KLHL20: variants seen among roughly 807,000 people sequenced by gnomAD.
The protein encoded by KLHL20 is kelch like family member 20.
In KLHL20, 29 loss-of-function variants were observed where a neutral mutation model predicts 69.5. The observed-to-expected ratio is 0.42, with a 90% CI of 0.31 to 0.57. The LOEUF (loss-of-function observed/expected upper bound fraction) is 0.57, where lower values mean the gene tolerates loss of function less well. Ranked by LOEUF, KLHL20 falls within the 20% of genes least tolerant of loss-of-function variation. The pLI is 0.18. For synonymous variants in KLHL20, 253 were observed against 265.2 expected, an observed-to-expected ratio of 0.95 and a Z score of 0.45; for missense variants, 419 against 776.0, an observed-to-expected ratio of 0.54 and a Z score of 5.47.
Position 173,734,663 on chromosome 1 carries a change from G to A in KLHL20, c.597+377G>A, listed in dbSNP as rs1672442299. 3 of 203,074 alleles carry A rather than the reference G, an allele frequency of 1.5e-5. No homozygotes were observed. The Admixed American group carries it at 1.6e-4, about 11-fold the overall frequency. The allele number at this position is 203,074 out of a possible 1,614,324, so 12.6% of individuals were successfully genotyped here. A position where few individuals can be genotyped will look rare whatever the true frequency, so the allele number is the denominator to read the frequency against. On this transcript the variant is annotated intron_variant, in intron 3 of 11. Coordinates refer to ENST00000209884, the MANE Select transcript of KLHL20 (RefSeq NM_014458.4). ...TGTGGATTATTCAGAATAAATTATA[G>A]ATTATAGGTTGTTTGGTAAACTAAT...
At chr1:173,742,901 T>C (rs1672885467) in intron 3 of KLHL20, among the ~76,000 whole-genome samples, 1 of 151,778 alleles carries the variant, frequency 6.6e-6, no homozygotes, top group African/African-American at 2.4e-5. Context: ...CCAGACACCA[T>C]AAAAAGATTG....
chr1:173,727,539 A>C (rs1282421992), intron 2 of KLHL20, among the ~76,000 whole-genome samples: 1 of 152,234 alleles, frequency 6.6e-6, no homozygotes, highest in Non-Finnish European at 1.5e-5. Context: ...CCATCAGACT[A>C]ACAGCTGATC....
In KLHL20 at chr1:173,774,380, G is replaced by C; in HGVS notation, c.1371G>C (p.Val457=). ...STRRLGVAVA[V]LGGFLYAVGG... is the part of the protein sequence containing the mutation. ...GAAGACTAGGTGTGGCTGTGGCTGTGTTAGGAGGGTTCTTATATGCTGTAG... is the reference window on the plus strand; with the variant it reads ...GAAGACTAGGTGTGGCTGTGGCTGTCTTAGGAGGGTTCTTATATGCTGTAG... Residue 457 remains valine (V), a synonymous_variant, in exon 9 of 12, where the codon GTG becomes GTC. Coordinates refer to ENST00000209884, the MANE Select transcript of KLHL20 (RefSeq NM_014458.4). The C allele has an allele frequency of 1.2e-6, 2 of 1,614,156 alleles. No homozygotes were observed. Among genetic ancestry groups the C allele is most frequent in the Non-Finnish European group, 1.7e-6 (2 of 1,180,030 alleles).
chr1:173,719,742 C>T (rs953270009), intron 2 of KLHL20, among the ~76,000 whole-genome samples: 77 of 149,930 alleles, frequency 5.1e-4, no homozygotes, highest in African/African-American at 1.9e-3. Flanking sequence ...TCTTTACCAA[C>T]AATATGTTTG....
chr1:173,731,469 A>G (rs1033367667), intron 2 of KLHL20, among the ~76,000 whole-genome samples: 25 of 152,202 alleles, frequency 1.6e-4, no homozygotes, highest in African/African-American at 4.1e-4. Flanking sequence ...AACCAACCCA[A>G]ATGTCCAACA....
At chr1:173,750,513 C>G (rs1457350765) in intron 3 of KLHL20, among the ~76,000 whole-genome samples, 1 of 149,728 alleles carries the variant, frequency 6.7e-6, no homozygotes, top group Non-Finnish European at 1.5e-5. Context: ...TGAGATGGAG[C>G]CTCACTCTGT....
intron 7 of KLHL20, 113 bp downstream of exon 7, chr1:173,757,272 T>A: frequency 9.9e-7 from 1 of 1,011,930 alleles, no homozygotes; most frequent in Non-Finnish European, 1.4e-6. Context: ...TGGCACTAGT[T>A]GGCAACCTAA....
At position 173,775,907 on chromosome 1, in the gene KLHL20, T is replaced by C; in HGVS notation, c.1638+65T>C. 4 of 1,350,418 alleles carry C rather than the reference T, an allele frequency of 3.0e-6. No homozygotes were observed. In the South Asian group the frequency reaches 4.7e-5, roughly 16 times the overall value. 83.7% of individuals were successfully genotyped at this position (1,350,418 alleles called of 1,614,324 possible). On this transcript the variant is annotated intron_variant, in intron 10 of 11. Transcript: ENST00000209884. ...GCTATTAATAGTGCTGCAATAAACA[T>C]GGGAGTGCAGATATCTCTTCATTAT... is the stretch of plus-strand genomic sequence containing the variant.
Position 173,734,083 on chromosome 1 carries a change from A to T in KLHL20, c.394A>T (p.Thr132Ser), listed in dbSNP as rs767353201. The T allele has an allele frequency of 6.2e-7, 1 of 1,614,162 alleles. No individual in the cohort carries two copies. The highest frequency in any genetic ancestry group is 8.5e-7 in the Non-Finnish European group (1 of 1,180,022). The part of the protein sequence containing the change: ...LIDFAYTSQI[T>S]VEEGNVQTLL... ...TGACTTTGCGTATACCTCCCAGATA[A>T]CAGTAGAAGAGGGCAATGTTCAGAC... is the stretch of plus-strand genomic sequence containing the variant. Residue 132 changes from threonine (T) to serine (S), a missense_variant, in exon 3 of 12, where the codon ACA becomes TCA. Transcript: ENST00000209884.
At chr1:173,773,346 C>T (rs1002611140) in intron 8 of KLHL20, among the ~76,000 whole-genome samples, 1 of 151,110 alleles carries the variant, frequency 6.6e-6, no homozygotes, top group African/African-American at 2.4e-5. Flanking sequence ...CTTTGGGGGG[C>T]CAAGGTGAGA....
intron 10 of KLHL20, 113 bp downstream of exon 10, chr1:173,775,955 A>G (rs1648437505): frequency 2.3e-6 from 2 of 861,130 alleles, no homozygotes; most frequent in Admixed American, 2.2e-5. Flanking sequence ...TCTTTGGGGT[A>G]TATACCTAGC....
At chr1:173,782,001 G>C in intron 10 of KLHL20, 123 bp from the exon 11 acceptor site, 1 of 632,812 alleles carries the variant, frequency 1.6e-6, no homozygotes, top group Non-Finnish European at 2.8e-6. Flanking sequence ...CTGTGTTTCA[G>C]TAAACCAGAA....
At position 173,718,968 on chromosome 1, in the gene KLHL20, G is replaced by A. The variant is rs961931143; in HGVS notation, c.23+2902G>A. On this transcript the variant is annotated intron_variant, in intron 2 of 11. Transcript: ENST00000209884. ...AAAATACAAAAAATTAGCCGGGTGC[G>A]GTGGCGGGCACCTGTAGTCCCAGCT... is the stretch of plus-strand genomic sequence containing the variant. 3.0e-4 allele frequency among the ~76,000 whole-genome samples: 45 copies of A among 151,954 alleles called. No individual in the cohort carries two copies. The Middle Eastern group carries it at 0.01, about 34-fold the overall frequency.
chr1:173,715,349 C>T (rs1353105330), intron 1 of KLHL20: 1 of 152,352 alleles, frequency 6.6e-6, no homozygotes, highest in Admixed American at 6.5e-5. Flanking sequence ...TCCTGGACAG[C>T]TTCCCCAGAC....
At chr1:173,770,203 A>C (rs966365989) in intron 8 of KLHL20, among the ~76,000 whole-genome samples, 3 of 152,234 alleles carry the variant, frequency 2.0e-5, no homozygotes, top group Non-Finnish European at 4.4e-5. Flanking sequence ...AAAATGTGAT[A>C]AAAGACATTA....
At chr1:173,748,141 A>G (rs1205444969) in intron 3 of KLHL20, among the ~76,000 whole-genome samples, 1 of 152,104 alleles carries the variant, frequency 6.6e-6, no homozygotes, top group African/African-American at 2.4e-5. Context: ...ATAACCCTAT[A>G]TCTATGAAAT....
rs1649206993 is a variant in KLHL20 at position 173,786,455 on chromosome 1, A to G, written c.*1208A>G. 1 of 152,566 alleles carries G rather than the reference A, an allele frequency of 6.6e-6. No homozygotes were observed. The highest frequency in any genetic ancestry group is 1.5e-5 in the Non-Finnish European group (1 of 67,998). 9.5% of individuals were successfully genotyped at this position (152,566 alleles called of 1,614,324 possible). A position where few individuals can be genotyped will look rare whatever the true frequency, so the allele number is the denominator to read the frequency against. On this transcript the variant is annotated 3_prime_UTR_variant, in exon 12 of 12. Transcript: ENST00000209884. ...TGTATTCATAGACAAATTTTTTTCA[A>G]TATATTTTGCAAGAAAAATCTTTGA... is the stretch of plus-strand genomic sequence containing the variant.
At chr1:173,770,042 A>G in intron 8 of KLHL20, among the ~76,000 whole-genome samples, 1 of 152,154 alleles carries the variant, frequency 6.6e-6, no homozygotes. Flanking sequence ...AGGAAAACTC[A>G]TTTCATGTAA....
In KLHL20 at chr1:173,715,999, T is replaced by C; in HGVS notation, c.-41-4T>C. On this transcript the variant is annotated splice_polypyrimidine_tract_variant and splice_region_variant and intron_variant, in intron 1 of 11. Coordinates refer to ENST00000209884, the MANE Select transcript of KLHL20 (RefSeq NM_014458.4). Reference sequence around the variant, plus strand: ...ATTAAGTTCCTGCTTTTCTGTTGTCTTAGGTTCGGCTTTAGAGTGTGGTGA... The same window carrying C: ...ATTAAGTTCCTGCTTTTCTGTTGTCCTAGGTTCGGCTTTAGAGTGTGGTGA... 6.2e-7 allele frequency: 1 copy of C among 1,603,102 alleles called. No individual in the cohort carries two copies. The highest frequency in any genetic ancestry group is 8.5e-7 in the Non-Finnish European group (1 of 1,172,924).
Sources: allele counts gnomAD v4.1 joint callset (sites outside exome capture counted in the v4.1 genomes callset), GRCh38; gene constraint gnomAD v4.1.1; transcripts MANE v1.5; gene names NCBI Gene and HGNC (gene_info 2026-07-23, HGNC 2026-07-21).